The following HDHD5 variants were observed in gnomAD, a reference collection of about 807,000 sequenced individuals.
HDHD5 encodes the protein haloacid dehalogenase like hydrolase domain containing 5, also known as haloacid dehalogenase-like hydrolase domain-containing 5.
A neutral mutation model predicts 35.5 loss-of-function variants in HDHD5; 34 were observed. The ratio of observed to expected loss-of-function variants is 0.96; its 90% CI spans 0.73 to 1.28. The LOEUF is 1.28. HDHD5 is among the 50% of genes most tolerant of loss of function. The pLI is 0.00. For synonymous variants in HDHD5, 248 were observed against 240.6 expected, an observed-to-expected ratio of 1.03 and a Z score of -0.29; for missense variants, 589 against 560.2, an observed-to-expected ratio of 1.05 and a Z score of -0.52.
At chr22:17,144,542 T>G (rs1239299493) in intron 4 of HDHD5, among the ~76,000 whole-genome samples, 1 of 151,584 alleles carries the variant, frequency 6.6e-6, no homozygotes, top group African/African-American at 2.4e-5. Flanking sequence ...GCCTCCCGAG[T>G]AGCTGGGATT....
rs766181538 is a variant in HDHD5 at position 17,149,658 on chromosome 22, G to A, written c.214C>T (p.Arg72Ter). 21 of 1,613,708 alleles carry A rather than the reference G, an allele frequency of 1.3e-5. No homozygotes were observed. The highest frequency in any genetic ancestry group is 5.3e-5 in the African/African-American group (4 of 74,918). The change falls in exon 2 of 8, where the codon CGA becomes TGA. Residue 72 changes from arginine to a stop codon, truncating the protein, a stop_gained. Transcript: ENST00000336737. LOFTEE classifies it high-confidence loss of function. ...RVIPAALKAF[R>*]RLVNSQGQLR... ...TGCCCCTGGGAGTTCACCAGCCTTCGGAAGGCTTTCAGAGCAGCAGGGATC... is the reference window on the plus strand; with the variant it reads ...TGCCCCTGGGAGTTCACCAGCCTTCAGAAGGCTTTCAGAGCAGCAGGGATC...
intron 1 of HDHD5, 169 bp downstream of exon 1, chr22:17,158,957 G>A: frequency 1.8e-6 from 1 of 553,658 alleles, no homozygotes; most frequent in Non-Finnish European, 2.6e-6. Flanking sequence ...AGGAAGGCAG[G>A]GCGCATCCGC....
At chr22:17,141,977 T>C (rs543366792) in intron 5 of HDHD5, 10 of 152,378 alleles carry the variant, frequency 6.6e-5, no homozygotes, top group African/African-American at 2.2e-4. Context: ...TCACAATGAC[T>C]AGAACCTAGC....
At chr22:17,143,822 C>A (rs1374319759) in intron 4 of HDHD5, among the ~76,000 whole-genome samples, 1 of 152,192 alleles carries the variant, frequency 6.6e-6, no homozygotes, top group African/African-American at 2.4e-5. Context: ...AACTGCATGT[C>A]GTCAAACTGT....
At chr22:17,161,269 GA>G (rs1361221526), upstream of HDHD5, among the ~76,000 whole-genome samples, 2 of 138,106 alleles carry the variant, frequency 1.4e-5, no homozygotes. Context: ...AAAGAAAGAA[GA>G]AAAAAAGGCC....
At chr22:17,158,586 C>G (rs2123880886) in intron 1 of HDHD5, 1 of 152,420 alleles carries the variant, frequency 6.6e-6, no homozygotes, top group South Asian at 2.1e-4. Flanking sequence ...GCTCACACAT[C>G]ACTACCGCGC....
rs1360505275 is a variant in HDHD5 at position 17,145,073 on chromosome 22, G to C, written c.488C>G (p.Ala163Gly). Reference protein sequence around the residue: ...NVVTVDELRMAFPLLDMVDLE... With the variant: ...NVVTVDELRMGFPLLDMVDLE... Reference sequence around the variant, plus strand: ...GTCCACCATGTCAAGCAGAGGAAAGGCCATCCGCAGCTCATCCACGGTGAC... The same window carrying C: ...GTCCACCATGTCAAGCAGAGGAAAGCCCATCCGCAGCTCATCCACGGTGAC... The change falls in exon 4 of 8, where the codon GCC (alanine) becomes GGC (glycine). Residue 163 changes from alanine to glycine, a missense_variant. Coordinates refer to ENST00000336737, the MANE Select transcript of HDHD5 (RefSeq NM_033070.3). 34 of 1,613,972 alleles carry C rather than the reference G, an allele frequency of 2.1e-5. No homozygotes were observed. Among genetic ancestry groups the C allele is most frequent in the Non-Finnish European group, 2.9e-5 (34 of 1,180,014 alleles).
intron 6 of HDHD5, among the ~76,000 whole-genome samples, chr22:17,139,985 C>T (rs2061581534): frequency 6.6e-6 from 1 of 152,092 alleles, no homozygotes; most frequent in Non-Finnish European, 1.5e-5. Flanking sequence ...CAACCAAGCC[C>T]ACTGATCTAG....
In HDHD5 at chr22:17,141,087, G is replaced by A. The variant is rs986566170; in HGVS notation, c.718C>T (p.Leu240=). 1.9e-6 allele frequency: 3 copies of A among 1,591,204 alleles called. No homozygotes were observed. In the African/African-American group the frequency reaches 4.1e-5, roughly 22 times the overall value. ...LPVLASNMDL[L]WMAEAKMPRF... is the part of the protein sequence containing the mutation. ...GGCATCTTGGCTTCAGCCATCCACA[G>A]GAGATCCATGTTGCTGGCTAGGACG... The change falls in exon 6 of 8, where the codon CTG becomes TTG. Residue 240 remains leucine (L), a synonymous_variant. Transcript: ENST00000336737.
upstream of HDHD5, chr22:17,159,569 G>A (rs1012222671): frequency 2.3e-6 from 1 of 434,544 alleles, no homozygotes. Context: ...TGCGCGGCAG[G>A]CCCCAGGCCG....
At chr22:17,148,399 C>T (rs2061688738) in intron 3 of HDHD5, 49 bp downstream of exon 3, 3 of 1,477,016 alleles carry the variant, frequency 2.0e-6, no homozygotes, top group African/African-American at 2.8e-5. Context: ...GGAGGAAACA[C>T]CTCAGCCCTG....
Position 17,137,851 on chromosome 22 carries a change from A to G in HDHD5, c.*170T>C. On this transcript the variant is annotated 3_prime_UTR_variant, in exon 8 of 8. Transcript: ENST00000336737. Reference sequence around the variant, plus strand: ...ATACAAAATGCTACCCAGCAGGGAAAAAGAGTCACTGTCTTCTTCCAAGTG... The same window carrying G: ...ATACAAAATGCTACCCAGCAGGGAAGAAGAGTCACTGTCTTCTTCCAAGTG... 1 of 603,866 alleles carries G rather than the reference A, an allele frequency of 1.7e-6. No individual in the cohort carries two copies. The highest frequency in any genetic ancestry group is 2.9e-6 in the Non-Finnish European group (1 of 344,180). The allele number at this position is 603,866 out of a possible 1,614,324, so 37.4% of individuals were successfully genotyped here.
intron 2 of HDHD5, 34 bp from the exon 3 acceptor site, chr22:17,148,594 G>T (rs2061692071): frequency 6.7e-7 from 1 of 1,499,862 alleles, no homozygotes; most frequent in Non-Finnish European, 9.3e-7. Context: ...GAGGGCAGAG[G>T]AAGACAGAAC....
chr22:17,154,463 G>A (rs1032165454), intron 1 of HDHD5, among the ~76,000 whole-genome samples: 2 of 151,682 alleles, frequency 1.3e-5, no homozygotes, highest in African/African-American at 4.8e-5. Context: ...TGGGCAACAA[G>A]AGGGAAACTC....
chr22:17,155,413 T>A (rs2061778611), intron 1 of HDHD5, among the ~76,000 whole-genome samples: 1 of 152,060 alleles, frequency 6.6e-6, no homozygotes. Context: ...ACCTGGCTTA[T>A]TTTTTATATT....
At chr22:17,156,472 C>T (rs1311081878) in intron 1 of HDHD5, among the ~76,000 whole-genome samples, 9 of 151,712 alleles carry the variant, frequency 5.9e-5, no homozygotes, top group South Asian at 2.1e-4. Context: ...ATTAGCCGGG[C>T]GTGGTGGTGC....
At position 17,149,691 on chromosome 22, in the gene HDHD5, G is replaced by A. The variant is rs746319663; in HGVS notation, c.181C>T (p.His61Tyr). ...LDIDGVLVRG[H>Y]RVIPAALKAF... ...TTCAGAGCAGCAGGGATCACTCTGTGGCCCCGCACAAGCACTCCATCGATG... is the reference window on the plus strand; with the variant it reads ...TTCAGAGCAGCAGGGATCACTCTGTAGCCCCGCACAAGCACTCCATCGATG... The change falls in exon 2 of 8, where the codon CAC (histidine) becomes TAC (tyrosine). Residue 61 changes from histidine to tyrosine, a missense_variant. Physicochemically the swap from His to Tyr is moderately conservative, Grantham distance 83. Transcript: ENST00000336737. 39 of 1,613,924 alleles carry A rather than the reference G, an allele frequency of 2.4e-5. No individual in the cohort carries two copies. Among genetic ancestry groups the A allele is most frequent in the Non-Finnish European group, 2.8e-5 (33 of 1,180,042 alleles).
intron 6 of HDHD5, among the ~76,000 whole-genome samples, chr22:17,139,504 G>C (rs959789909): frequency 6.6e-6 from 1 of 151,286 alleles, no homozygotes; most frequent in African/African-American, 2.4e-5. Context: ...TTCCAGCCTG[G>C]GCAAAAGAGC....
intron 3 of HDHD5, among the ~76,000 whole-genome samples, chr22:17,148,188 G>A (rs1221148533): frequency 1.3e-5 from 2 of 152,120 alleles, no homozygotes; most frequent in Non-Finnish European, 2.9e-5. Context: ...AGTGAATTAA[G>A]GCTCCAGCGC....
Sources: allele counts gnomAD v4.1 joint callset (sites outside exome capture counted in the v4.1 genomes callset), GRCh38; gene constraint gnomAD v4.1.1; transcripts MANE v1.5; gene names NCBI Gene and HGNC (gene_info 2026-07-23, HGNC 2026-07-21).